The following HSPA4L variants were observed in gnomAD, a reference collection of about 807,000 sequenced individuals.
HSPA4L encodes the protein heat shock protein family A (Hsp70) member 4 like.
Under a neutral mutation model 100.3 loss-of-function variants are expected in HSPA4L, and 48 were observed. That is an observed-to-expected ratio of 0.48 (90% confidence interval 0.38 to 0.61). The LOEUF is 0.61. HSPA4L is among the 20% of genes least tolerant of loss of function. HSPA4L has a pLI of 0.00. For synonymous variants in HSPA4L, 319 were observed against 328.2 expected (o/e 0.97, Z 0.30); for missense variants, 886 against 988.6 (o/e 0.90, Z 1.39).
chr4:127,826,388 C>T (rs1000557403), intron 16 of HSPA4L, among the ~76,000 whole-genome samples: 9 of 151,978 alleles, frequency 5.9e-5, no homozygotes, highest in Admixed American at 2.0e-4. Flanking sequence ...CAGAGCAAGA[C>T]CCTGTCCCAA....
intron 11 of HSPA4L, chr4:127,809,317 A>G (rs1387549381): frequency 5.9e-6 from 7 of 1,188,378 alleles, no homozygotes; most frequent in African/African-American, 1.5e-5. Context: ...CCCTGTCTTA[A>G]TAAGGACTTC....
chr4:127,826,476 T>A (rs901079646), intron 16 of HSPA4L, among the ~76,000 whole-genome samples: 2 of 152,026 alleles, frequency 1.3e-5, no homozygotes, highest in Non-Finnish European at 2.9e-5. Context: ...ATAGACCAAA[T>A]GTAGTAATGG....
At chr4:127,812,812 C>G (rs189955449) in intron 12 of HSPA4L, 2 of 1,348,134 alleles carry the variant, frequency 1.5e-6, no homozygotes, top group East Asian at 4.6e-5. Flanking sequence ...AGCAGGCTGG[C>G]GCTTTAGTTG....
intron 9 of HSPA4L, 142 bp downstream of exon 9, chr4:127,805,366 T>C (rs941387123): frequency 1.2e-4 from 73 of 631,390 alleles, no homozygotes; most frequent in Non-Finnish European, 1.1e-4. Flanking sequence ...AAATAAGTCT[T>C]ATGTCTTTCC....
At chr4:127,810,741 G>A (rs1279985411) in intron 11 of HSPA4L, among the ~76,000 whole-genome samples, 3 of 152,152 alleles carry the variant, frequency 2.0e-5, no homozygotes, top group Non-Finnish European at 4.4e-5. Context: ...CTGGATAACA[G>A]AGTGAAACTG....
At chr4:127,819,872 G>A (rs1374413334) in intron 13 of HSPA4L, among the ~76,000 whole-genome samples, 1 of 152,056 alleles carries the variant, frequency 6.6e-6, no homozygotes, top group Non-Finnish European at 1.5e-5. Flanking sequence ...CCATCTATCA[G>A]TTGATAGACA....
At chr4:127,812,955 GC>G in intron 12 of HSPA4L, 1 of 815,922 alleles carries the variant, frequency 1.2e-6, no homozygotes, top group South Asian at 1.4e-5. Context: ...CAAGAATCTT[GC>G]CCTTAACTTG....
At chr4:127,812,409 A>AAAAAAAAAAAAC in intron 12 of HSPA4L, among the ~76,000 whole-genome samples, 1 of 139,958 alleles carries the variant, frequency 7.1e-6, no homozygotes, top group East Asian at 3.5e-4. Context: ...ACTCCATCTC[A>AAAAAAAAAAAAC]AAAAAAAAAA....
chr4:127,807,120 T>TA (rs1733381186), intron 10 of HSPA4L, among the ~76,000 whole-genome samples: 1 of 152,008 alleles, frequency 6.6e-6, no homozygotes, highest in Non-Finnish European at 1.5e-5. Flanking sequence ...AAGGTATTGG[T>TA]AGTTTCTTGA....
Position 127,822,789 on chromosome 4 carries a change from T to TAA in HSPA4L, c.1834_1835dup (p.Leu613SerfsTer2). ...AATAGGGGAAGATGATCATGCAAGA[T>TAA]AAGTTAGAGAAAGAAAGAAATGATG... is the stretch of plus-strand genomic sequence containing the variant. On this transcript the variant is annotated frameshift_variant, in exon 15 of 19. Coordinates refer to ENST00000296464, the MANE Select transcript of HSPA4L (RefSeq NM_014278.4). LOFTEE classifies it high-confidence loss of function. The TAA allele has an allele frequency of 1.2e-6, 2 of 1,613,724 alleles. No individual in the cohort carries two copies. Among genetic ancestry groups the TAA allele is most frequent in the Non-Finnish European group, 1.7e-6 (2 of 1,179,804 alleles).
At chr4:127,814,594 G>A (rs1287245915) in intron 12 of HSPA4L, among the ~76,000 whole-genome samples, 5 of 151,630 alleles carry the variant, frequency 3.3e-5, no homozygotes, top group African/African-American at 1.2e-4. Context: ...TTGAGACGGA[G>A]TCTCGCTCTG....
Position 127,811,618 on chromosome 4 carries a change from T to G in HSPA4L, c.1560T>G (p.Asn520Lys). 2.5e-6 allele frequency: 4 copies of G among 1,612,326 alleles called. No homozygotes were observed. Among genetic ancestry groups the G allele is most frequent in the Admixed American group, 1.7e-5 (1 of 59,980 alleles). The change falls in exon 12 of 19, where the codon AAT (asparagine) becomes AAG (lysine). Residue 520 changes from asparagine (N) to lysine (K), a missense_variant. By Grantham distance (94) the Asn-to-Lys change is moderately conservative. Coordinates refer to ENST00000296464, the MANE Select transcript of HSPA4L (RefSeq NM_014278.4). The stretch of plus-strand genomic sequence containing the variant: ...TGGAGACAGAAACTTCATTTAAAAA[T>G]GAAAACAAAGATAATATGGTATGTA... ...APMETETSFK[N>K]ENKDNMDKMQ...
At chr4:127,799,465 C>G (rs546372523) in intron 4 of HSPA4L, among the ~76,000 whole-genome samples, 41 of 152,012 alleles carry the variant, frequency 2.7e-4, no homozygotes, top group African/African-American at 9.9e-4. Flanking sequence ...TATTATTAAC[C>G]CTAGTTTTAC....
At position 127,801,865 on chromosome 4, in the gene HSPA4L, G is replaced by T. The variant is rs377487611; in HGVS notation, c.610G>T (p.Gly204Ter). 5 of 1,608,046 alleles carry T rather than the reference G, an allele frequency of 3.1e-6. No homozygotes were observed. Among genetic ancestry groups the T allele is most frequent in the South Asian group, 1.1e-5 (1 of 90,114 alleles). The part of the protein sequence containing the change: ...KPRNVVFIDM[G>*]HSAYQVLVCA... ...AAGAAATGTAGTATTTATTGATATG[G>T]GACATTCTGCCTATCAGGTCTTGGT... The change falls in exon 6 of 19, where the codon GGA becomes TGA. Residue 204 changes from glycine (G) to a stop codon, truncating the protein, a stop_gained. Coordinates refer to ENST00000296464, the MANE Select transcript of HSPA4L (RefSeq NM_014278.4). LOFTEE classifies it high-confidence loss of function.
intron 2 of HSPA4L, among the ~76,000 whole-genome samples, chr4:127,795,365 T>G (rs1732988734): frequency 6.6e-6 from 1 of 152,194 alleles, no homozygotes; most frequent in South Asian, 2.1e-4. Context: ...TGATGCACAA[T>G]GGAAATGCTC....
Position 127,835,298 on chromosome 4 carries a change from T to C in HSPA4L, c.*2424T>C, listed in dbSNP as rs1734178541. ...TATACTTTGGCTCTGTGGAAAAGTG[T>C]AAATTGTGGTTTTAGAAACCAACTC... On this transcript the variant is annotated 3_prime_UTR_variant, in exon 19 of 19. Transcript: ENST00000296464. 1 of 152,242 alleles carries C rather than the reference T, an allele frequency of 6.6e-6. No individual in the cohort carries two copies. Among genetic ancestry groups the C allele is most frequent in the Admixed American group, 6.5e-5 (1 of 15,284 alleles). The allele number at this position is 152,242 out of a possible 1,614,324, so 9.4% of individuals were successfully genotyped here.
chr4:127,825,332 C>T (rs974187294), intron 16 of HSPA4L, among the ~76,000 whole-genome samples: 1 of 152,020 alleles, frequency 6.6e-6, no homozygotes, highest in South Asian at 2.1e-4. Context: ...TGATGCTGGT[C>T]CCTGAACTAT....
intron 13 of HSPA4L, 86 bp downstream of exon 13, chr4:127,818,506 A>G (rs1189603156): frequency 2.8e-6 from 2 of 707,766 alleles, no homozygotes; most frequent in Non-Finnish European, 4.6e-6. Context: ...AACGCACTTG[A>G]TATTTTTGAT....
chr4:127,783,367 G>A (rs1364924657), intron 1 of HSPA4L, among the ~76,000 whole-genome samples: 8 of 152,056 alleles, frequency 5.3e-5, no homozygotes, highest in African/African-American at 1.9e-4. Flanking sequence ...GGAATGCGGC[G>A]GGGTTGGGTC....
Sources: allele counts gnomAD v4.1 joint callset (sites outside exome capture counted in the v4.1 genomes callset), GRCh38; gene constraint gnomAD v4.1.1; transcripts MANE v1.5; gene names NCBI Gene and HGNC (gene_info 2026-07-23, HGNC 2026-07-21).